ADD2: variants seen among roughly 807,000 people sequenced by gnomAD.
ADD2 encodes adducin 2, also known as beta-adducin.
In ADD2, 23 loss-of-function variants were observed where a neutral mutation model predicts 83.0. The observed-to-expected ratio is 0.28, with a 90% CI of 0.20 to 0.39. The LOEUF is 0.39. Among genes scored for constraint, ADD2 ranks in the 10% least tolerant of loss-of-function variants. ADD2 has a pLI of 1.00. For missense variants in ADD2, 758 were observed against 944.9 expected (o/e 0.80, Z 2.59); for synonymous variants, 375 against 375.4 (o/e 1.00, Z 0.01).
chr2:70,697,283 G>T (rs1428835254), intron 4 of ADD2, among the ~76,000 whole-genome samples: 6 of 152,358 alleles, frequency 3.9e-5, no homozygotes, highest in African/African-American at 1.4e-4. Context: ...AGGGTACCTA[G>T]GCTCCTCTCT....
chr2:70,695,360 C>T (rs1174473294), intron 6 of ADD2, among the ~76,000 whole-genome samples: 1 of 152,166 alleles, frequency 6.6e-6, no homozygotes, highest in African/African-American at 2.4e-5. Context: ...CAGTGCTGGA[C>T]AAATCTCGTG....
intron 4 of ADD2, 114 bp downstream of exon 4, chr2:70,704,207 G>A (rs2287095): frequency 0.28 from 385,188 of 1,369,336 alleles, 57,132 homozygotes; most frequent in African/African-American, 0.46. Flanking sequence ...ATAACACAAT[G>A]GGCTGCTTAC....
At chr2:70,717,949 A>G (rs1553376706) in intron 1 of ADD2, among the ~76,000 whole-genome samples, 2 of 152,246 alleles carry the variant, frequency 1.3e-5, no homozygotes, top group East Asian at 3.9e-4. Context: ...GTTGAAAAGA[A>G]GAAAGAGAGA....
intron 1 of ADD2, among the ~76,000 whole-genome samples, chr2:70,755,348 G>GCAA (rs1249179018): frequency 1.3e-5 from 2 of 152,174 alleles, no homozygotes; most frequent in African/African-American, 4.8e-5. Flanking sequence ...GAACCCACCT[G>GCAA]CAACAGCTCA....
rs782033325 is a variant in ADD2 at position 70,706,358 on chromosome 2, C to T, written c.51G>A (p.Gly17=). 6 of 1,612,558 alleles carry T rather than the reference C, an allele frequency of 3.7e-6. No individual in the cohort carries two copies. The highest frequency in any genetic ancestry group is 4.2e-6 in the Non-Finnish European group (5 of 1,179,486). Residue 17 remains glycine, a synonymous_variant, in exon 3 of 16, where the codon GGG becomes GGA. Coordinates refer to ENST00000264436, the MANE Select transcript of ADD2 (RefSeq NM_001617.4). The surrounding 1 kb of genome is among the most constrained non-coding windows in gnomAD (Gnocchi z 5.0). ...PEAASPPPPQ[G]QPYFDRFSED... is the part of the protein sequence containing the mutation. ...CTGAGAAGCGGTCAAAGTAAGGCTG[C>T]CCCTGCGGGGGCGGCGGCGAGGCAG...
Position 70,753,177 on chromosome 2 carries a change from C to T in ADD2, c.-154+14709G>A, listed in dbSNP as rs80111882. ...GGGAAAACCAGAAAAGGGCAGTATTCCAGGCCAGATAATCCAAATGTTTCA... is the reference window on the plus strand; with the variant it reads ...GGGAAAACCAGAAAAGGGCAGTATTTCAGGCCAGATAATCCAAATGTTTCA... On this transcript the variant is annotated intron_variant, in intron 1 of 15. Coordinates refer to ENST00000264436, the MANE Select transcript of ADD2 (RefSeq NM_001617.4). 4.9e-3 allele frequency among the ~76,000 whole-genome samples: 741 copies of T among 152,270 alleles called. 4 individuals are homozygous for T. The highest frequency in any genetic ancestry group is 0.019 in the South Asian group (94 of 4,828).
At chr2:70,714,243 G>A (rs1247949099) in intron 1 of ADD2, among the ~76,000 whole-genome samples, 1 of 152,140 alleles carries the variant, frequency 6.6e-6, no homozygotes, top group Non-Finnish European at 1.5e-5. Context: ...CAGAGCTGCT[G>A]GGGGCTGTCT....
intron 13 of ADD2, chr2:70,675,130 A>G (rs1670067522): frequency 9.3e-7 from 1 of 1,078,894 alleles, no homozygotes; most frequent in East Asian, 6.6e-5. Flanking sequence ...CCTTCTATGG[A>G]CACTTCCAAG....
In ADD2 at chr2:70,697,900, G is replaced by A. The variant is rs376705326; in HGVS notation, c.323-1504C>T. 7.9e-5 allele frequency among the ~76,000 whole-genome samples: 12 copies of A among 152,346 alleles called. No individual in the cohort carries two copies. In the East Asian group the frequency reaches 2.1e-3, roughly 27 times the overall value. ...CACACAAGGGCCTTGCCAACCAGAG[G>A]TGATACACCTCCAGGGCAGGTGCCC... On this transcript the variant is annotated intron_variant, in intron 4 of 15. Transcript: ENST00000264436.
chr2:70,753,393 G>GATCATTGAA (rs1674611341), intron 1 of ADD2, among the ~76,000 whole-genome samples: 1 of 152,082 alleles, frequency 6.6e-6, no homozygotes, highest in African/African-American at 2.4e-5. Context: ...ACTCTTTCAA[G>GATCATTGAA]GAGAACATAA....
intron 1 of ADD2, among the ~76,000 whole-genome samples, chr2:70,726,079 T>C (rs972708116): frequency 2.1e-5 from 3 of 145,226 alleles, no homozygotes; most frequent in African/African-American, 5.1e-5. Context: ...CCCAGCTACT[T>C]GGGAGGCTGA....
intron 4 of ADD2, among the ~76,000 whole-genome samples, chr2:70,697,284 G>T (rs1671359562): frequency 6.6e-6 from 1 of 152,232 alleles, no homozygotes; most frequent in South Asian, 2.1e-4. Context: ...GGGTACCTAG[G>T]CTCCTCTCTG....
intron 1 of ADD2, 74 bp downstream of exon 1, chr2:70,767,812 G>A: frequency 1.3e-6 from 2 of 1,523,630 alleles, no homozygotes; most frequent in Non-Finnish European, 1.8e-6. Context: ...GCCCGGCCGA[G>A]GGATGCCAGG....
intron 15 of ADD2, among the ~76,000 whole-genome samples, chr2:70,664,110 ACAT>A (rs2104143744): frequency 6.6e-6 from 1 of 152,328 alleles, no homozygotes; most frequent in East Asian, 1.9e-4. Context: ...CTTGGTGGAG[ACAT>A]CTAAGCATTG....
chr2:70,734,949 G>T (rs1673454378), intron 1 of ADD2, among the ~76,000 whole-genome samples: 1 of 152,124 alleles, frequency 6.6e-6, no homozygotes, highest in South Asian at 2.1e-4. Flanking sequence ...GGCTAGTGAG[G>T]ATTTGTCTTC....
In ADD2 at chr2:70,676,579, C is replaced by T; in HGVS notation, c.1593+217G>A. 1.4e-6 allele frequency: 2 copies of T among 1,423,478 alleles called. No individual in the cohort carries two copies. The highest frequency in any genetic ancestry group is 2.9e-5 in the African/African-American group (2 of 69,474). The allele number at this position is 1,423,478 out of a possible 1,614,324, so 88.2% of individuals were successfully genotyped here. ...GCAGGCAGGCTGGGCTGCTGTTCTC[C>T]AGCCCAGTGCCCACAGGGGCCATCA... On this transcript the variant is annotated intron_variant, in intron 13 of 15. Coordinates refer to ENST00000264436, the MANE Select transcript of ADD2 (RefSeq NM_001617.4). The surrounding 1 kb of genome is among the most constrained non-coding windows in gnomAD (Gnocchi z 4.8).
At position 70,676,031 on chromosome 2, in the gene ADD2, C is replaced by A; in HGVS notation, c.1593+765G>T. On this transcript the variant is annotated intron_variant, in intron 13 of 15. Transcript: ENST00000264436. The surrounding 1 kb of genome is among the most constrained non-coding windows in gnomAD (Gnocchi z 4.8). ...ACTTCTCCTGCCAATGGGCACCCAC[C>A]CTGTGGGCTGCAGTCTTGACCTGAA... 5.1e-6 allele frequency: 5 copies of A among 985,358 alleles called. No homozygotes were observed. The highest frequency in any genetic ancestry group is 6.0e-6 in the Non-Finnish European group (5 of 829,922). The allele number at this position is 985,358 out of a possible 1,614,324, so 61.0% of individuals were successfully genotyped here.
chr2:70,689,107 A>G (rs1306607853), intron 8 of ADD2, among the ~76,000 whole-genome samples: 1 of 151,142 alleles, frequency 6.6e-6, no homozygotes. Context: ...AAAAAAAACC[A>G]AAAACGGAAA....
chr2:70,689,739 C>T (rs1043527361), intron 8 of ADD2, among the ~76,000 whole-genome samples: 1 of 152,176 alleles, frequency 6.6e-6, no homozygotes, highest in Non-Finnish European at 1.5e-5. Flanking sequence ...GACTAGCCTC[C>T]GTGGCTGTGC....
Sources: gnomAD v4.1 joint callset for allele counts (sites outside exome capture counted in the v4.1 genomes callset) on GRCh38, gnomAD v4.1.1 for gene constraint, Gnocchi (gnomAD v3.1) non-coding constraint, MANE v1.5 for transcripts, NCBI Gene and HGNC (gene_info 2026-07-23, HGNC 2026-07-21) for gene names.